Variants in COL8A1 observed in about 807,000 individuals in gnomAD.
COL8A1 encodes the protein collagen alpha-1(VIII) chain.
COL8A1 carries 21 observed loss-of-function variants against 42.7 expected under a neutral mutation model. That is an observed-to-expected ratio of 0.49 (90% CI 0.35 to 0.71). COL8A1 has a LOEUF of 0.71. Among genes scored for constraint, COL8A1 ranks in the 30% least tolerant of loss-of-function variants. The pLI is 0.01. For synonymous variants in COL8A1, 367 were observed against 369.1 expected, an observed-to-expected ratio of 0.99 and a Z score of 0.06; for missense variants, 788 against 962.4, an observed-to-expected ratio of 0.82 and a Z score of 2.40.
chr3:99,760,088 G>A (rs1014648134), intron 2 of COL8A1, among the ~76,000 whole-genome samples: 4 of 151,984 alleles, frequency 2.6e-5, no homozygotes, highest in African/African-American at 9.7e-5. Context: ...AGTGAATATT[G>A]TCAGTGATGT....
At chr3:99,767,780 T>A (rs1451249255) in intron 2 of COL8A1, among the ~76,000 whole-genome samples, 1 of 152,146 alleles carries the variant, frequency 6.6e-6, no homozygotes, top group Non-Finnish European at 1.5e-5. Context: ...GTGTAAGATA[T>A]TATAAAAGAC....
At chr3:99,657,994 G>T (rs1001281845) in intron 1 of COL8A1, among the ~76,000 whole-genome samples, 7 of 151,984 alleles carry the variant, frequency 4.6e-5, no homozygotes, top group Non-Finnish European at 1.0e-4. Context: ...GGGTGTGATG[G>T]CATGCTCTTG....
Position 99,795,228 on chromosome 3 carries a change from C to G in COL8A1, c.1327C>G (p.Leu443Val). 1 of 1,613,518 alleles carries G rather than the reference C, an allele frequency of 6.2e-7. No individual in the cohort carries two copies. Among genetic ancestry groups the G allele is most frequent in the African/African-American group, 1.3e-5 (1 of 74,994 alleles). ...AGGCTTCCCAGGAAAGCCAGGTTTC[C>G]TTGGTGAAGTAGGGCCTCCTGGCAT... ...LQGFPGKPGF[L>V]GEVGPPGMRG... Residue 443 changes from leucine to valine, a missense_variant, in exon 4 of 4, where the codon CTT becomes GTT. Coordinates refer to ENST00000652472, the MANE Select transcript of COL8A1 (RefSeq NM_020351.4).
At chr3:99,758,980 C>CTGTA (rs1047505930) in intron 2 of COL8A1, among the ~76,000 whole-genome samples, 4 of 152,098 alleles carry the variant, frequency 2.6e-5, no homozygotes, top group Admixed American at 2.6e-4. Context: ...AACACTCTGC[C>CTGTA]TGTACACTGT....
intron 1 of COL8A1, among the ~76,000 whole-genome samples, chr3:99,669,146 T>TATATATAGAG: frequency 1.7e-5 from 2 of 115,392 alleles, no homozygotes; most frequent in African/African-American, 3.0e-5. Context: ...TATATATATA[T>TATATATAGAG]AGAGGGAGAG....
At chr3:99,723,496 G>A (rs1251306682) in intron 1 of COL8A1, among the ~76,000 whole-genome samples, 7 of 152,054 alleles carry the variant, frequency 4.6e-5, no homozygotes, top group African/African-American at 1.4e-4. Flanking sequence ...TCATTTCCTT[G>A]GAAAGTTAAT....
At chr3:99,693,674 G>A (rs775504857) in intron 1 of COL8A1, among the ~76,000 whole-genome samples, 2 of 152,170 alleles carry the variant, frequency 1.3e-5, no homozygotes, top group Non-Finnish European at 2.9e-5. Flanking sequence ...GACTCAAAAC[G>A]TTAAAAAATT....
At chr3:99,776,671 G>C (rs1006509434) in intron 2 of COL8A1, among the ~76,000 whole-genome samples, 2 of 152,184 alleles carry the variant, frequency 1.3e-5, no homozygotes, top group African/African-American at 4.8e-5. Context: ...TAAAGTGAAA[G>C]CAAGTTTATT....
chr3:99,694,381 C>T (rs1421747175), intron 1 of COL8A1, among the ~76,000 whole-genome samples: 1 of 151,750 alleles, frequency 6.6e-6, no homozygotes, highest in Non-Finnish European at 1.5e-5. Context: ...GAGGCTGAAG[C>T]AAGAGAATCA....
chr3:99,662,741 C>G (rs942169624), intron 1 of COL8A1, among the ~76,000 whole-genome samples: 2 of 152,112 alleles, frequency 1.3e-5, no homozygotes, highest in Non-Finnish European at 2.9e-5. Context: ...TCCATGCCTC[C>G]ACTAGCTTCT....
At chr3:99,733,035 C>T (rs1160135075) in intron 1 of COL8A1, among the ~76,000 whole-genome samples, 1 of 151,840 alleles carries the variant, frequency 6.6e-6, no homozygotes, top group African/African-American at 2.4e-5. Flanking sequence ...CGGGTCATGC[C>T]GATGCAAAAT....
chr3:99,788,281 G>A (rs1281889214), intron 2 of COL8A1, among the ~76,000 whole-genome samples: 2 of 152,196 alleles, frequency 1.3e-5, no homozygotes, highest in Non-Finnish European at 2.9e-5. Context: ...CTGGTTTACA[G>A]GACAGATATG....
intron 1 of COL8A1, among the ~76,000 whole-genome samples, chr3:99,715,416 G>C (rs1376367899): frequency 6.6e-6 from 1 of 152,022 alleles, no homozygotes; most frequent in Non-Finnish European, 1.5e-5. Flanking sequence ...AGGGAAAGAG[G>C]AGAATGAAGA....
rs1942076622 is a variant in COL8A1 at position 99,795,026 on chromosome 3, G to A, written c.1125G>A (p.Gly375=). 3 of 1,608,796 alleles carry A rather than the reference G, an allele frequency of 1.9e-6. No individual in the cohort carries two copies. In the South Asian group the frequency reaches 3.3e-5, roughly 18 times the overall value. Residue 375 remains glycine (G), a synonymous_variant, in exon 4 of 4, where the codon GGG becomes GGA. Coordinates refer to ENST00000652472, the MANE Select transcript of COL8A1 (RefSeq NM_020351.4). ...GGVPGALGPR[G]EKGPIGAPGI... ...TTCCTGGGGCTCTTGGACCAAGAGGGGAGAAAGGACCAATAGGTGCCCCAG... is the reference window on the plus strand; with the variant it reads ...TTCCTGGGGCTCTTGGACCAAGAGGAGAGAAAGGACCAATAGGTGCCCCAG...
chr3:99,788,248 T>G (rs1941934267), intron 2 of COL8A1, among the ~76,000 whole-genome samples: 1 of 152,186 alleles, frequency 6.6e-6, no homozygotes, highest in African/African-American at 2.4e-5. Context: ...GCCAGAGAAA[T>G]GGCAGAAGGC....
intron 1 of COL8A1, among the ~76,000 whole-genome samples, chr3:99,684,370 C>T (rs1938985573): frequency 6.6e-6 from 1 of 152,120 alleles, no homozygotes; most frequent in South Asian, 2.1e-4. Flanking sequence ...TGTCTAGCTA[C>T]CAAGTTAGAG....
intron 1 of COL8A1, among the ~76,000 whole-genome samples, chr3:99,669,744 T>G (rs1047845377): frequency 5.9e-5 from 9 of 152,102 alleles, no homozygotes; most frequent in Non-Finnish European, 8.8e-5. Context: ...TTACAAGTGC[T>G]AAAGAGATCG....
intron 2 of COL8A1, among the ~76,000 whole-genome samples, chr3:99,778,214 T>C (rs963712197): frequency 3.3e-5 from 5 of 152,150 alleles, no homozygotes; most frequent in Admixed American, 6.5e-5. Flanking sequence ...CTCTGTCCAG[T>C]CCCTGGCATG....
intron 1 of COL8A1, among the ~76,000 whole-genome samples, chr3:99,702,254 A>G (rs1360612530): frequency 6.6e-6 from 1 of 152,218 alleles, no homozygotes; most frequent in African/African-American, 2.4e-5. Flanking sequence ...ACTTCTCCCC[A>G]TAATGGGAGA....
Sources: allele counts gnomAD v4.1 joint callset (sites outside exome capture counted in the v4.1 genomes callset), GRCh38; gene constraint gnomAD v4.1.1; transcripts MANE v1.5; gene names NCBI Gene and HGNC (gene_info 2026-07-23, HGNC 2026-07-21).